PLCG2: variants seen among roughly 807,000 people sequenced by gnomAD.
PLCG2 encodes 1-phosphatidylinositol 4,5-bisphosphate phosphodiesterase gamma-2.
In PLCG2, 69 loss-of-function variants were observed where a neutral mutation model predicts 175.6. The observed-to-expected ratio is 0.39, with a 90% CI of 0.32 to 0.48. The LOEUF (loss-of-function observed/expected upper bound fraction) is 0.48. PLCG2 is among the 20% of genes least tolerant of loss of function. PLCG2 has a pLI of 0.91. For missense variants in PLCG2, 1,798 were observed against 1,650.9 expected, an observed-to-expected ratio of 1.09 and a Z score of -1.54; for synonymous variants, 827 against 624.0, an observed-to-expected ratio of 1.33 and a Z score of -4.85.
chr16:81,940,202 G>A, intron 30 of PLCG2, 143 bp downstream of exon 30: 1 of 685,226 alleles, frequency 1.5e-6, no homozygotes, highest in Non-Finnish European at 2.5e-6. Context: ...TGGAGAGCAG[G>A]TGTACAGCCT....
chr16:81,776,734 T>C (rs1910417160), upstream of PLCG2, among the ~76,000 whole-genome samples: 1 of 152,210 alleles, frequency 6.6e-6, no homozygotes, highest in Non-Finnish European at 1.5e-5. Context: ...TTTGTATTTT[T>C]AGTAGAGAGG....
intron 14 of PLCG2, among the ~76,000 whole-genome samples, chr16:81,903,739 C>T (rs1909249167): frequency 6.6e-6 from 1 of 152,162 alleles, no homozygotes; most frequent in East Asian, 1.9e-4. Context: ...TGTGCTCTTC[C>T]CTGTTCCCAG....
intron 8 of PLCG2, among the ~76,000 whole-genome samples, chr16:81,882,475 C>G (rs1380174161): frequency 6.6e-6 from 1 of 152,108 alleles, no homozygotes; most frequent in African/African-American, 2.4e-5. Context: ...TGAGGAGGCC[C>G]TTGGGTCTGG....
chr16:81,760,317 C>T (rs552666793), intron 2 of PLCG2, among the ~76,000 whole-genome samples: 26 of 152,250 alleles, frequency 1.7e-4, no homozygotes, highest in African/African-American at 5.3e-4. Flanking sequence ...CTGCTGGGCT[C>T]AGGGTGCTGC....
At chr16:81,910,198 C>G (rs971883254) in intron 17 of PLCG2, among the ~76,000 whole-genome samples, 2 of 152,180 alleles carry the variant, frequency 1.3e-5, no homozygotes, top group African/African-American at 2.4e-5. Flanking sequence ...ACAAGTGATT[C>G]TCTTGCCTCA....
At chr16:81,787,752 G>A (rs57480004) in intron 2 of PLCG2, among the ~76,000 whole-genome samples, 4,300 of 151,662 alleles carry the variant, frequency 0.028, 192 homozygotes, top group African/African-American at 0.098. Flanking sequence ...CCTACCAGAC[G>A]TAAGCAACCG....
In PLCG2 at chr16:81,956,794, C is replaced by T. The variant is rs199530350; in HGVS notation, c.3670C>T (p.Arg1224Cys). Reference sequence around the variant, plus strand: ...TCTGTATGACACACACCAGAACTTGCGCAATGCCAACCGGGATGCCCTGGT... The same window carrying T: ...TCTGTATGACACACACCAGAACTTGTGCAATGCCAACCGGGATGCCCTGGT... Reference protein sequence around the residue: ...LFLYDTHQNLRNANRDALVKE... With the variant: ...LFLYDTHQNLCNANRDALVKE... The change falls in exon 32 of 33, where the codon CGC becomes TGC. Residue 1224 changes from arginine (R) to cysteine (C), a missense_variant. Arg to Cys is a radical substitution (Grantham distance 180). Coordinates refer to ENST00000564138, the MANE Select transcript of PLCG2 (RefSeq NM_002661.5). The T allele has an allele frequency of 1.2e-5, 20 of 1,614,004 alleles. No homozygotes were observed. Among genetic ancestry groups the T allele is most frequent in the African/African-American group, 5.3e-5 (4 of 74,922 alleles).
chr16:81,813,371 T>C (rs112127659), intron 2 of PLCG2, among the ~76,000 whole-genome samples: 9,758 of 152,284 alleles, frequency 0.064, 352 homozygotes, highest in South Asian at 0.12. Context: ...TAGTTCTCTT[T>C]GAAGAGGTCC....
chr16:81,900,087 AAAT>A (rs1909079581), intron 13 of PLCG2, among the ~76,000 whole-genome samples: 2 of 123,902 alleles, frequency 1.6e-5, no homozygotes, highest in Non-Finnish European at 3.4e-5. Context: ...ATACACATAC[AAAT>A]AATAAATGTA....
chr16:81,899,761 G>A lies in PLCG2; in HGVS notation c.1194-851G>A, dbSNP rs900986711. On this transcript the variant is annotated intron_variant, in intron 13 of 32. Transcript: ENST00000564138. ...TGGAGAAAACACCTGTGTCAGATAC[G>A]CTTGGTTCAGGCACGAATTACAGTG... Among the ~76,000 whole-genome samples the A allele has an allele frequency of 2.0e-5, 3 of 152,180 alleles. No individual in the cohort carries two copies. The South Asian group carries it at 6.2e-4, about 31-fold the overall frequency.
intron 2 of PLCG2, among the ~76,000 whole-genome samples, chr16:81,837,892 C>G (rs1024604813): frequency 1.3e-5 from 2 of 152,074 alleles, no homozygotes; most frequent in African/African-American, 4.8e-5. Context: ...ATTCATAGAA[C>G]CCACTACCAG....
chr16:81,943,443 A>G (rs1356695170), intron 30 of PLCG2, among the ~76,000 whole-genome samples: 1 of 152,194 alleles, frequency 6.6e-6, no homozygotes, highest in Non-Finnish European at 1.5e-5. Context: ...CACTATCATG[A>G]GAACAGCAAG....
At chr16:81,886,726 T>G (rs1908385084) in intron 9 of PLCG2, among the ~76,000 whole-genome samples, 1 of 152,196 alleles carries the variant, frequency 6.6e-6, no homozygotes, top group Non-Finnish European at 1.5e-5. Context: ...AAGCCTCTCC[T>G]CTGTTTCCCC....
chr16:81,753,804 A>G (rs932085888), intron 1 of PLCG2, among the ~76,000 whole-genome samples: 2 of 152,142 alleles, frequency 1.3e-5, no homozygotes, highest in Non-Finnish European at 2.9e-5. Context: ...GATGGGGAAA[A>G]TATGAAGGGA....
chr16:81,907,614 C>A, intron 15 of PLCG2, 71 bp from the exon 16 acceptor site: 1 of 1,072,512 alleles, frequency 9.3e-7, no homozygotes, highest in Non-Finnish European at 1.4e-6. Context: ...TGACGCCCTG[C>A]AGGGCTCCTG....
rs545245843 is a variant in PLCG2, at chr16:81,940,193, G to A, written c.3481+134G>A. 1.4e-5 allele frequency: 10 copies of A among 714,324 alleles called. No homozygotes were observed. The South Asian group carries it at 1.8e-4, about 13-fold the overall frequency. 44.2% of individuals were successfully genotyped at this position (714,324 alleles called of 1,614,324 possible). A position where few individuals can be genotyped will look rare whatever the true frequency, so the allele number is the denominator to read the frequency against. ...CACTGTAAAACCGATTGGGTGGCTT[G>A]GAGAGCAGGTGTACAGCCTGTCGTG... is the stretch of plus-strand genomic sequence containing the variant. On this transcript the variant is annotated intron_variant, in intron 30 of 32. Coordinates refer to ENST00000564138, the MANE Select transcript of PLCG2 (RefSeq NM_002661.5).
intron 2 of PLCG2, among the ~76,000 whole-genome samples, chr16:81,815,583 C>T (rs1247511671): frequency 1.3e-5 from 2 of 152,202 alleles, no homozygotes; most frequent in Non-Finnish European, 2.9e-5. Context: ...GTTCTCCTGG[C>T]CCTTTCAGAG....
Position 81,880,838 on chromosome 16 carries a change from C to A in PLCG2, c.649-72C>A, listed in dbSNP as rs1329528982. Reference sequence around the variant, plus strand: ...TGACAAAATGATGCTTTTTTAACAACAAAAATCTTTCCGTTTTTGCATTAA... The same window carrying A: ...TGACAAAATGATGCTTTTTTAACAAAAAAAATCTTTCCGTTTTTGCATTAA... On this transcript the variant is annotated intron_variant, in intron 7 of 32. Transcript: ENST00000564138. 4.2e-6 allele frequency: 6 copies of A among 1,439,234 alleles called. No individual in the cohort carries two copies. The East Asian group carries it at 1.1e-4, about 27-fold the overall frequency. 89.2% of individuals were successfully genotyped at this position (1,439,234 alleles called of 1,614,324 possible).
chr16:81,811,517 C>G (rs1904322641), intron 2 of PLCG2, among the ~76,000 whole-genome samples: 1 of 152,076 alleles, frequency 6.6e-6, no homozygotes, highest in Admixed American at 6.6e-5. Context: ...TATCCCTCCT[C>G]TAGTCCCCCA....
Sources: gnomAD v4.1 joint callset for allele counts (sites outside exome capture counted in the v4.1 genomes callset) on GRCh38, gnomAD v4.1.1 for gene constraint, MANE v1.5 for transcripts, NCBI Gene and HGNC (gene_info 2026-07-23, HGNC 2026-07-21) for gene names.